Variants in IL37 observed in about 807,000 individuals in gnomAD.
IL37 encodes interleukin 37.
In IL37, 15 loss-of-function variants were observed where a neutral mutation model predicts 15.4. The observed-to-expected ratio is 0.98, with a 90% confidence interval of 0.65 to 1.50. The LOEUF is 1.50. Ranked by LOEUF, IL37 falls within the 40% of genes most tolerant of loss-of-function variation. The pLI is 0.00. For synonymous variants in IL37, 98 were observed against 97.4 expected, an observed-to-expected ratio of 1.01 and a Z score of -0.03; for missense variants, 269 against 261.7, an observed-to-expected ratio of 1.03 and a Z score of -0.19.
intron 1 of IL37, among the ~76,000 whole-genome samples, chr2:112,912,104 T>G (rs1683189701): frequency 6.6e-6 from 1 of 152,214 alleles, no homozygotes; most frequent in East Asian, 1.9e-4. Flanking sequence ...CTCAAAGGAT[T>G]GGATTTGTAC....
chr2:112,916,786 G>C (rs1177971541), intron 3 of IL37, among the ~76,000 whole-genome samples: 1 of 152,180 alleles, frequency 6.6e-6, no homozygotes, highest in African/African-American at 2.4e-5. Context: ...AAGCATTTTA[G>C]TTCTCATAAC....
rs745661100 is a variant in IL37 at position 112,913,828 on chromosome 2, T to G, written c.119T>G (p.Leu40Arg). The G allele has an allele frequency of 1.5e-5, 24 of 1,611,530 alleles. No individual in the cohort carries two copies. The highest frequency in any genetic ancestry group is 2.0e-5 in the Non-Finnish European group (23 of 1,178,824). Residue 40 changes from leucine (L) to arginine (R), a missense_variant, in exon 3 of 6, where the codon CTC (leucine) becomes CGC (arginine). Transcript: ENST00000263326. ...AGCCCCCTGGAACCAGGCCCAAGCC[T>G]CCCCACCATGAATTTTGTTCACACA... The part of the protein sequence containing the change: ...AGSPLEPGPS[L>R]PTMNFVHTSP...
chr2:112,917,548 C>A, intron 4 of IL37, 87 bp from the exon 5 acceptor site: 1 of 1,309,530 alleles, frequency 7.6e-7, no homozygotes, highest in Non-Finnish European at 1.0e-6. Context: ...GGGAGAGGGA[C>A]TGTGCATCAG....
At position 112,912,960 on chromosome 2, in the gene IL37, T is replaced by C. The variant is rs1683208494; in HGVS notation, c.-50-3T>C. 1 of 1,361,770 alleles carries C rather than the reference T, an allele frequency of 7.3e-7. No homozygotes were observed. Among genetic ancestry groups the C allele is most frequent in the Admixed American group, 2.1e-5 (1 of 48,020 alleles). 84.4% of individuals were successfully genotyped at this position (1,361,770 alleles called of 1,614,324 possible). A position where few individuals can be genotyped will look rare whatever the true frequency, so the allele number is the denominator to read the frequency against. On this transcript the variant is annotated splice_polypyrimidine_tract_variant and splice_region_variant and intron_variant, in intron 1 of 5. Coordinates refer to ENST00000263326, the MANE Select transcript of IL37 (RefSeq NM_014439.4). ...ATAACTGGTCCCCTTTCTATCTCCT[T>C]AGGTCTTGGACTTCATTCCATTTTC...
In IL37 at chr2:112,917,198, T is replaced by C; in HGVS notation, c.215T>C (p.Leu72Pro). 4 of 1,614,156 alleles carry C rather than the reference T, an allele frequency of 2.5e-6. No individual in the cohort carries two copies. Among genetic ancestry groups the C allele is most frequent in the South Asian group, 2.2e-5 (2 of 91,080 alleles). The change falls in exon 4 of 6, where the codon CTG (leucine) becomes CCG (proline). Residue 72 changes from leucine to proline, a missense_variant. Physicochemically the swap from Leu to Pro is moderately conservative, Grantham distance 98. Transcript: ENST00000263326. The stretch of plus-strand genomic sequence containing the variant: ...GACCAGGATCACAAAGTACTGGTCC[T>C]GGACTCTGGGAATCTCATAGCAGTT... Reference protein sequence around the residue: ...IHDQDHKVLVLDSGNLIAVPD... With the variant: ...IHDQDHKVLVPDSGNLIAVPD...
intron 4 of IL37, 113 bp downstream of exon 4, chr2:112,917,361 A>T: frequency 7.9e-7 from 1 of 1,268,618 alleles, no homozygotes; most frequent in South Asian, 1.4e-5. Flanking sequence ...AGGTGGTGGA[A>T]GCGAGGAGGA....
intron 3 of IL37, chr2:112,915,107 G>T: frequency 7.7e-7 from 1 of 1,306,636 alleles, no homozygotes; most frequent in Non-Finnish European, 1.1e-6. Flanking sequence ...GAGTGGCCTT[G>T]AGAAAGATTT....
In IL37 at chr2:112,917,143, A is replaced by G; in HGVS notation, c.160A>G (p.Asn54Asp). Residue 54 changes from asparagine (N) to aspartate (D), a missense_variant, in exon 4 of 6, where the codon AAC (asparagine) becomes GAC (aspartate). Physicochemically the swap from Asn to Asp is conservative, Grantham distance 23. Coordinates refer to ENST00000263326, the MANE Select transcript of IL37 (RefSeq NM_014439.4). ...NFVHTSPKVK[N>D]LNPKKFSIHD... ...TATTGATCTAGGTCCAAAGGTGAAGAACTTAAACCCGAAGAAATTCAGCAT... is the reference window on the plus strand; with the variant it reads ...TATTGATCTAGGTCCAAAGGTGAAGGACTTAAACCCGAAGAAATTCAGCAT... The G allele has an allele frequency of 6.2e-7, 1 of 1,614,054 alleles. No homozygotes were observed. The highest frequency in any genetic ancestry group is 8.5e-7 in the Non-Finnish European group (1 of 1,179,936).
At position 112,918,787 on chromosome 2, in the gene IL37, G is replaced by A; in HGVS notation, c.635G>A (p.Ser212Asn). The change falls in exon 6 of 6, where the codon AGC becomes AAC. Residue 212 changes from serine (S) to asparagine (N), a missense_variant. Coordinates refer to ENST00000263326, the MANE Select transcript of IL37 (RefSeq NM_014439.4). ...SFQPVCKAEM[S>N]PSEVSD is the part of the protein sequence containing the mutation. ...CAACCAGTTTGCAAAGCTGAAATGA[G>A]CCCCAGTGAGGTCAGCGATTAGGAA... 6.2e-7 allele frequency: 1 copy of A among 1,613,978 alleles called. No homozygotes were observed. Among genetic ancestry groups the A allele is most frequent in the Non-Finnish European group, 8.5e-7 (1 of 1,179,916 alleles).
rs750738975 is a variant in IL37 at position 112,913,867 on chromosome 2, G to A, written c.145+13G>A. 6.2e-7 allele frequency: 1 copy of A among 1,611,322 alleles called. No homozygotes were observed. Among genetic ancestry groups the A allele is most frequent in the East Asian group, 2.2e-5 (1 of 44,854 alleles). On this transcript the variant is annotated intron_variant, in intron 3 of 5. Coordinates refer to ENST00000263326, the MANE Select transcript of IL37 (RefSeq NM_014439.4). ...TTTGTTCACACAAGTAAGGCCTCGG[G>A]GTGAGGTGATGGGGGTGGCTGAGGT...
At chr2:112,917,341 C>A (rs1204665344) in intron 4 of IL37, 93 bp downstream of exon 4, 2 of 1,412,214 alleles carry the variant, frequency 1.4e-6, no homozygotes, top group African/African-American at 1.4e-5. Flanking sequence ...TACCATGCCC[C>A]ATCTCCAGCA....
chr2:112,918,745 A>C lies in IL37; in HGVS notation c.593A>C (p.His198Pro). Residue 198 changes from histidine to proline, a missense_variant, in exon 6 of 6, where the codon CAC becomes CCC. His to Pro is a moderately conservative substitution (Grantham distance 77). Transcript: ENST00000263326. ...GVTDKFENRK[H>P]IEFSFQPVCK... The stretch of plus-strand genomic sequence containing the variant: ...ACAGATAAATTTGAGAACAGGAAAC[A>C]CATTGAATTTTCATTTCAACCAGTT... 6.2e-7 allele frequency: 1 copy of C among 1,614,114 alleles called. No homozygotes were observed. The highest frequency in any genetic ancestry group is 1.6e-4 in the Middle Eastern group (1 of 6,062).
intron 3 of IL37, chr2:112,915,181 C>T (rs374983576): frequency 2.6e-5 from 42 of 1,612,760 alleles, no homozygotes; most frequent in South Asian, 7.7e-5. Context: ...GCATGTGAGA[C>T]GCTGAGATCC....
At position 112,917,239 on chromosome 2, in the gene IL37, A is replaced by G. The variant is rs1194093289; in HGVS notation, c.256A>G (p.Ile86Val). ...CATAGCAGTTCCAGATAAAAACTACATACGCCCAGGTGACTCTCAGTTTTG... is the reference window on the plus strand; with the variant it reads ...CATAGCAGTTCCAGATAAAAACTACGTACGCCCAGGTGACTCTCAGTTTTG... ...NLIAVPDKNY[I>V]RPEIFFALAS... The change falls in exon 4 of 6, where the codon ATA becomes GTA. Residue 86 changes from isoleucine (I) to valine (V), a missense_variant. By Grantham distance (29) the Ile-to-Val change is conservative. Transcript: ENST00000263326. 1.9e-6 allele frequency: 3 copies of G among 1,613,980 alleles called. No individual in the cohort carries two copies. Among genetic ancestry groups the G allele is most frequent in the Non-Finnish European group, 2.5e-6 (3 of 1,179,936 alleles).
chr2:112,913,312 C>T (rs143709081), intron 2 of IL37, among the ~76,000 whole-genome samples: 6 of 152,322 alleles, frequency 3.9e-5, no homozygotes, highest in East Asian at 3.9e-4. Flanking sequence ...ATAAAAGGAT[C>T]GTCCTCACCT....
intron 2 of IL37, 60 bp downstream of exon 2, chr2:112,913,154 G>A (rs1558800795): frequency 1.7e-6 from 2 of 1,204,586 alleles, no homozygotes; most frequent in Admixed American, 5.5e-5. Flanking sequence ...GCAGAACTTT[G>A]CTAGGTGCTG....
rs1267340320 is a variant in IL37, at chr2:112,917,778, G to A, written c.408+1G>A. 2 of 1,613,960 alleles carry A rather than the reference G, an allele frequency of 1.2e-6. No homozygotes were observed. Among genetic ancestry groups the A allele is most frequent in the East Asian group, 2.2e-5 (1 of 44,892 alleles). ...AAGTCATCCATCCCTTCAGCTGAAGGTGAGAGTTCTAGCTCAGTTTCCTGG... is the reference window on the plus strand; with the variant it reads ...AAGTCATCCATCCCTTCAGCTGAAGATGAGAGTTCTAGCTCAGTTTCCTGG... On this transcript the variant is annotated splice_donor_variant, in intron 5 of 5. Coordinates refer to ENST00000263326, the MANE Select transcript of IL37 (RefSeq NM_014439.4). LOFTEE classifies it high-confidence loss of function.
At chr2:112,918,486 G>A (rs779931904) in intron 5 of IL37, 75 bp from the exon 6 acceptor site, 54 of 1,505,588 alleles carry the variant, frequency 3.6e-5, no homozygotes, top group Non-Finnish European at 1.7e-5. Flanking sequence ...TAAAGGCCTG[G>A]AGGATGAGCA....
chr2:112,912,988 T>C lies in IL37; in HGVS notation c.-25T>C, dbSNP rs1573310435. The C allele has an allele frequency of 6.5e-7, 1 of 1,543,896 alleles. No homozygotes were observed. Among genetic ancestry groups the C allele is most frequent in the South Asian group, 1.2e-5 (1 of 82,324 alleles). On this transcript the variant is annotated 5_prime_UTR_variant, in exon 2 of 6. Coordinates refer to ENST00000263326, the MANE Select transcript of IL37 (RefSeq NM_014439.4). ...GTCTTGGACTTCATTCCATTTTCTG[T>C]TGAGTAATAAACTCAACGTTGAAAA...
Sources: gnomAD v4.1 joint callset for allele counts (sites outside exome capture counted in the v4.1 genomes callset) on GRCh38, gnomAD v4.1.1 for gene constraint, MANE v1.5 for transcripts, NCBI Gene and HGNC (gene_info 2026-07-23, HGNC 2026-07-21) for gene names.